The following PPP1R13B variants were observed in gnomAD, a reference collection of about 807,000 sequenced individuals.
PPP1R13B encodes protein phosphatase 1 regulatory subunit 13B, also known as apoptosis-stimulating of p53 protein 1.
A neutral mutation model predicts 119.8 loss-of-function variants in PPP1R13B; 44 were observed. That is an observed-to-expected ratio of 0.37 (90% confidence interval 0.29 to 0.47). The LOEUF is 0.47. Among genes scored for constraint, PPP1R13B ranks in the 20% least tolerant of loss-of-function variants. The pLI is 0.99. For synonymous variants in PPP1R13B, 542 were observed against 561.5 expected (o/e 0.97, Z 0.49); for missense variants, 1,227 against 1,413.5 (o/e 0.87, Z 2.12).
chr14:103,751,706 C>T (rs7155786), intron 7 of PPP1R13B, among the ~76,000 whole-genome samples: 13,218 of 152,166 alleles, frequency 0.087, 788 homozygotes, highest in Non-Finnish European at 0.13. Context: ...GGGGACACAG[C>T]GAGAAGGCGG....
chr14:103,797,891 C>T (rs1468729997), intron 1 of PPP1R13B, among the ~76,000 whole-genome samples: 1 of 151,722 alleles, frequency 6.6e-6, no homozygotes, highest in African/African-American at 2.4e-5. Flanking sequence ...GGAGGGAAAA[C>T]GACTATACAA....
At chr14:103,795,330 A>G (rs762810190) in intron 2 of PPP1R13B, among the ~76,000 whole-genome samples, 1 of 152,184 alleles carries the variant, frequency 6.6e-6, no homozygotes, top group Admixed American at 6.6e-5. Flanking sequence ...GGCAAAGAAT[A>G]AATAGATGTT....
intron 1 of PPP1R13B, among the ~76,000 whole-genome samples, chr14:103,810,330 G>A (rs2086121009): frequency 6.6e-6 from 1 of 152,082 alleles, no homozygotes; most frequent in African/African-American, 2.4e-5. Context: ...GCTGAGACAG[G>A]AGAATCGTTT....
At chr14:103,826,751 G>GT (rs1435659334) in intron 1 of PPP1R13B, among the ~76,000 whole-genome samples, 1 of 150,300 alleles carries the variant, frequency 6.7e-6, no homozygotes, top group African/African-American at 2.4e-5. Context: ...GCTCATGCCT[G>GT]TAATCCCAGC....
At chr14:103,811,325 G>A (rs1056605534) in intron 1 of PPP1R13B, among the ~76,000 whole-genome samples, 2 of 152,060 alleles carry the variant, frequency 1.3e-5, no homozygotes, top group Admixed American at 1.3e-4. Context: ...AGAATGAAAA[G>A]ACAAGCCACA....
At position 103,741,975 on chromosome 14, in the gene PPP1R13B, T is replaced by G. The variant is rs763215456; in HGVS notation, c.1637A>C (p.Glu546Ala). 3 of 1,614,150 alleles carry G rather than the reference T, an allele frequency of 1.9e-6. No homozygotes were observed. Among genetic ancestry groups the G allele is most frequent in the Non-Finnish European group, 2.5e-6 (3 of 1,180,052 alleles). The change falls in exon 11 of 17, where the codon GAA becomes GCA. Residue 546 changes from glutamate to alanine, a missense_variant. Coordinates refer to ENST00000202556, the MANE Select transcript of PPP1R13B (RefSeq NM_015316.3). ...CCTAATGGCCACTGTCAGTGGGAGT[T>G]CAGGCTTGCTGTCCCCAGCTGGAAA... ...PAFPAGDSKP[E>A]LPLTVAIRPF...
At chr14:103,778,065 C>T (rs945025923) in intron 4 of PPP1R13B, among the ~76,000 whole-genome samples, 1 of 151,674 alleles carries the variant, frequency 6.6e-6, no homozygotes, top group Admixed American at 6.6e-5. Flanking sequence ...GATTCTCCTG[C>T]CTCAGCCTCC....
chr14:103,756,473 T>C (rs748556039), intron 5 of PPP1R13B, among the ~76,000 whole-genome samples: 3 of 152,226 alleles, frequency 2.0e-5, no homozygotes, highest in Non-Finnish European at 4.4e-5. Flanking sequence ...CAATTAAATA[T>C]GACTAAACCA....
chr14:103,737,605 T>C, intron 15 of PPP1R13B, 89 bp downstream of exon 15: 2 of 1,469,940 alleles, frequency 1.4e-6, no homozygotes, highest in East Asian at 4.6e-5. Context: ...CAGAAAGCTG[T>C]GCTGAAGCTT....
At chr14:103,795,647 A>C (rs2085741553) in intron 2 of PPP1R13B, among the ~76,000 whole-genome samples, 1 of 152,166 alleles carries the variant, frequency 6.6e-6, no homozygotes, top group Non-Finnish European at 1.5e-5. Context: ...CAGAGAACAA[A>C]AGTGCTAAGA....
intron 9 of PPP1R13B, among the ~76,000 whole-genome samples, chr14:103,744,284 A>G (rs796424522): frequency 7.0e-4 from 107 of 152,394 alleles, no homozygotes; most frequent in African/African-American, 2.5e-3. Context: ...ATCTTTTAGT[A>G]TGATTGTAAA....
chr14:103,744,346 CAAAA>C (rs1236075420), intron 9 of PPP1R13B, among the ~76,000 whole-genome samples: 1 of 152,056 alleles, frequency 6.6e-6, no homozygotes, highest in Non-Finnish European at 1.5e-5. Flanking sequence ...TAAAAACAAA[CAAAA>C]AACCCTCCAA....
chr14:103,817,415 T>C (rs904950101), intron 1 of PPP1R13B, among the ~76,000 whole-genome samples: 2 of 151,810 alleles, frequency 1.3e-5, no homozygotes, highest in African/African-American at 4.8e-5. Flanking sequence ...AAACTTGTTA[T>C]ATTAAAAAAA....
At chr14:103,736,553 TTGGA>T (rs1265688634) in intron 15 of PPP1R13B, 3 of 310,218 alleles carry the variant, frequency 9.7e-6, no homozygotes, top group Middle Eastern at 9.3e-4. Context: ...GTGACTGCTC[TTGGA>T]TGGTAATGAA....
In PPP1R13B at chr14:103,733,609, A is replaced by ATGAC. The variant is rs755629019; in HGVS notation, c.*1541_*1544dup. On this transcript the variant is annotated 3_prime_UTR_variant, in exon 17 of 17. Coordinates refer to ENST00000202556, the MANE Select transcript of PPP1R13B (RefSeq NM_015316.3). ...TCACTCACTATTTCACTTTATTAAG[A>ATGAC]TGACTGTACAGCAATTTGTATATAA... 1.3e-4 allele frequency: 20 copies of ATGAC among 152,974 alleles called. No individual in the cohort carries two copies. The highest frequency in any genetic ancestry group is 2.6e-4 in the Non-Finnish European group (18 of 68,306). The allele number at this position is 152,974 out of a possible 1,614,324, so 9.5% of individuals were successfully genotyped here.
intron 2 of PPP1R13B, among the ~76,000 whole-genome samples, chr14:103,792,413 A>C (rs1012766076): frequency 6.6e-6 from 1 of 152,180 alleles, no homozygotes; most frequent in African/African-American, 2.4e-5. Flanking sequence ...TCTGGGCTCA[A>C]GCAATCTGCC....
intron 2 of PPP1R13B, among the ~76,000 whole-genome samples, chr14:103,787,892 C>T (rs570473614): frequency 3.9e-5 from 6 of 151,910 alleles, no homozygotes; most frequent in Non-Finnish European, 8.8e-5. Context: ...CCTTGTGGTC[C>T]GCCCACCATG....
At chr14:103,827,849 T>C (rs1417650626) in intron 1 of PPP1R13B, among the ~76,000 whole-genome samples, 3 of 152,090 alleles carry the variant, frequency 2.0e-5, no homozygotes, top group Non-Finnish European at 4.4e-5. Flanking sequence ...CAGCTACTAT[T>C]GCTATTATAA....
chr14:103,804,070 G>GT (rs1395411051), intron 1 of PPP1R13B: 2 of 984,402 alleles, frequency 2.0e-6, no homozygotes, highest in Non-Finnish European at 2.4e-6. Flanking sequence ...AATCATCTAA[G>GT]TGTGTCTTAA....
Sources: gnomAD v4.1 joint callset for allele counts (sites outside exome capture counted in the v4.1 genomes callset) on GRCh38, gnomAD v4.1.1 for gene constraint, MANE v1.5 for transcripts, NCBI Gene and HGNC (gene_info 2026-07-23, HGNC 2026-07-21) for gene names.